PSMB1: variants seen among roughly 807,000 people sequenced by gnomAD.
PSMB1 encodes the protein proteasome subunit beta type-1.
In PSMB1, 7 loss-of-function variants were observed where a neutral mutation model predicts 25.4. The ratio of observed to expected loss-of-function variants is 0.28; its 90% CI spans 0.16 to 0.52. The LOEUF (loss-of-function observed/expected upper bound fraction) is 0.52, where lower values mean the gene tolerates loss of function less well. PSMB1 is among the 20% of genes least tolerant of loss of function. PSMB1 has a pLI of 0.97. For synonymous variants in PSMB1, 119 were observed against 115.0 expected (o/e 1.03, Z -0.22); for missense variants, 284 against 302.2 (o/e 0.94, Z 0.45).
chr6:170,550,558 A>G (rs1778879579), intron 1 of PSMB1: 1 of 152,186 alleles, frequency 6.6e-6, no homozygotes, highest in Non-Finnish European at 1.5e-5. Context: ...CCTGGTCTTT[A>G]AAAAAGGAAT....
chr6:170,535,534 C>T lies in PSMB1; in HGVS notation c.541-129G>A, dbSNP rs974732880. The stretch of plus-strand genomic sequence containing the variant: ...AAATACTACACAAAATTAAAATGTC[C>T]TTCAGACTGAATAAAGACCCTTCCA... On this transcript the variant is annotated intron_variant, in intron 5 of 5. Transcript: ENST00000262193. 3 of 799,028 alleles carry T rather than the reference C, an allele frequency of 3.8e-6. No individual in the cohort carries two copies. The African/African-American group carries it at 5.2e-5, about 14-fold the overall frequency. 49.5% of individuals were successfully genotyped at this position (799,028 alleles called of 1,614,324 possible).
intron 4 of PSMB1, among the ~76,000 whole-genome samples, chr6:170,542,061 T>A (rs1778764140): frequency 6.6e-6 from 1 of 152,236 alleles, no homozygotes. Context: ...AGACTCTAAT[T>A]ACCCATGTTA....
chr6:170,543,578 T>A (rs769522637), intron 4 of PSMB1, 23 bp downstream of exon 4: 18 of 1,588,034 alleles, frequency 1.1e-5, no homozygotes, highest in Non-Finnish European at 1.5e-5. Context: ...CCCCCACCAT[T>A]TTCCAGAAAG....
chr6:170,543,231 C>T (rs753235074), intron 4 of PSMB1, among the ~76,000 whole-genome samples: 11 of 152,034 alleles, frequency 7.2e-5, no homozygotes, highest in Admixed American at 3.3e-4. Context: ...CTTCTAGAAC[C>T]GTTAAAGAAC....
rs1360210586 is a variant in PSMB1 at position 170,553,280 on chromosome 6, C to CACGGCGAGATGGCTGCCTT, written c.-57_-39dup. 3 of 1,503,870 alleles carry CACGGCGAGATGGCTGCCTT rather than the reference C, an allele frequency of 2.0e-6. No homozygotes were observed. Among genetic ancestry groups the CACGGCGAGATGGCTGCCTT allele is most frequent in the Admixed American group, 1.8e-5 (1 of 55,560 alleles). The allele number at this position is 1,503,870 out of a possible 1,614,324, so 93.2% of individuals were successfully genotyped here. A position where few individuals can be genotyped will look rare whatever the true frequency, so the allele number is the denominator to read the frequency against. ...CCTGCGGATCCGACACTTGCTGTCT[C>CACGGCGAGATGGCTGCCTT]ACGGCGAGATGGCTGCCTTGACCGG... On this transcript the variant is annotated 5_prime_UTR_variant, in exon 1 of 6. Transcript: ENST00000262193.
chr6:170,548,391 G>T (rs978157348), intron 2 of PSMB1, among the ~76,000 whole-genome samples: 4 of 151,698 alleles, frequency 2.6e-5, no homozygotes, highest in Middle Eastern at 3.4e-3. Context: ...CAGGCTTTTT[G>T]TTTTTTTAAG....
chr6:170,538,779 AT>A (rs961470245), intron 4 of PSMB1, among the ~76,000 whole-genome samples: 5 of 152,224 alleles, frequency 3.3e-5, no homozygotes, highest in African/African-American at 1.2e-4. Flanking sequence ...ACTGGGAAGT[AT>A]TTTTGCTGGA....
chr6:170,540,069 A>G (rs1235738633), intron 4 of PSMB1, among the ~76,000 whole-genome samples: 1 of 149,914 alleles, frequency 6.7e-6, no homozygotes, highest in Admixed American at 6.6e-5. Context: ...AACTAAAGCC[A>G]CTTTTAATTT....
chr6:170,553,272 T>G lies in PSMB1; in HGVS notation c.-30A>C, dbSNP rs1410079146. On this transcript the variant is annotated 5_prime_UTR_variant, in exon 1 of 6. Transcript: ENST00000262193. The stretch of plus-strand genomic sequence containing the variant: ...CGGCTGCGCCTGCGGATCCGACACT[T>G]GCTGTCTCACGGCGAGATGGCTGCC... 2 of 1,544,792 alleles carry G rather than the reference T, an allele frequency of 1.3e-6. No homozygotes were observed. Among genetic ancestry groups the G allele is most frequent in the Middle Eastern group, 1.9e-4 (1 of 5,264 alleles).
At chr6:170,536,148 C>T (rs1384676981) in intron 5 of PSMB1, among the ~76,000 whole-genome samples, 1 of 152,156 alleles carries the variant, frequency 6.6e-6, no homozygotes, top group Non-Finnish European at 1.5e-5. Context: ...CATAAATTTT[C>T]AGTAAACACA....
At chr6:170,546,556 C>T (rs112716416) in intron 2 of PSMB1, among the ~76,000 whole-genome samples, 33,499 of 152,102 alleles carry the variant, frequency 0.22, 4,244 homozygotes, top group South Asian at 0.34. Context: ...ACTTCCGCCT[C>T]CTGGGTTCAA....
At chr6:170,549,484 C>G (rs1583117308) in intron 1 of PSMB1, 1 of 167,732 alleles carries the variant, frequency 6.0e-6, no homozygotes, top group East Asian at 1.6e-4. Flanking sequence ...AACGCAAGCT[C>G]TATGAGTTTA....
chr6:170,538,513 A>G (rs1213175698), intron 4 of PSMB1, among the ~76,000 whole-genome samples: 1 of 152,178 alleles, frequency 6.6e-6, no homozygotes, highest in Non-Finnish European at 1.5e-5. Context: ...AGCCTGGCCA[A>G]CACAGTGAAA....
intron 4 of PSMB1, among the ~76,000 whole-genome samples, chr6:170,542,260 G>A (rs1261154932): frequency 2.6e-5 from 4 of 152,114 alleles, no homozygotes; most frequent in Admixed American, 6.5e-5. Flanking sequence ...CAGAGATAGC[G>A]CACGCAAAGA....
chr6:170,536,530 T>C (rs768592872), intron 5 of PSMB1: 2 of 455,572 alleles, frequency 4.4e-6, no homozygotes, highest in East Asian at 6.9e-5. Flanking sequence ...GCAGCTGTGG[T>C]TGTCCACCAC....
Position 170,545,635 on chromosome 6 carries a change from C to G in PSMB1, c.303+468G>C, listed in dbSNP as rs569387722. On this transcript the variant is annotated intron_variant, in intron 3 of 5. Coordinates refer to ENST00000262193, the MANE Select transcript of PSMB1 (RefSeq NM_002793.4). ...ACGTTAATGGTGCATGTTGTGCCTCCCATCCAAGCTCCCAGCTTATTCATT... is the reference window on the plus strand; with the variant it reads ...ACGTTAATGGTGCATGTTGTGCCTCGCATCCAAGCTCCCAGCTTATTCATT... 2.6e-5 allele frequency among the ~76,000 whole-genome samples: 4 copies of G among 152,296 alleles called. No individual in the cohort carries two copies. In the South Asian group the frequency reaches 8.3e-4, roughly 32 times the overall value.
At chr6:170,550,126 G>A (rs1250925296) in intron 1 of PSMB1, 1 of 152,190 alleles carries the variant, frequency 6.6e-6, no homozygotes, top group Non-Finnish European at 1.5e-5. Flanking sequence ...GGAAATTAAA[G>A]GCATGGTGCC....
intron 5 of PSMB1, chr6:170,536,281 C>G (rs1583111756): frequency 4.7e-6 from 2 of 425,954 alleles, no homozygotes; most frequent in Non-Finnish European, 9.3e-6. Context: ...TAGATACTAG[C>G]TATTTTATCA....
chr6:170,535,175 C>CA lies in PSMB1; in HGVS notation c.*44dup. 6.5e-7 allele frequency: 1 copy of CA among 1,548,194 alleles called. No homozygotes were observed. On this transcript the variant is annotated 3_prime_UTR_variant, in exon 6 of 6. Coordinates refer to ENST00000262193, the MANE Select transcript of PSMB1 (RefSeq NM_002793.4). Reference sequence around the variant, plus strand: ...CCATCCAAGGTACAGTTCCAAAGTACAAAATCAACCAGGTCTGAACTGATT... The same window carrying CA: ...CCATCCAAGGTACAGTTCCAAAGTACAAAAATCAACCAGGTCTGAACTGATT...
Sources: allele counts gnomAD v4.1 joint callset (sites outside exome capture counted in the v4.1 genomes callset), GRCh38; gene constraint gnomAD v4.1.1; transcripts MANE v1.5; gene names NCBI Gene and HGNC (gene_info 2026-07-23, HGNC 2026-07-21).